MAGI2: variants seen among roughly 807,000 people sequenced by gnomAD.
MAGI2 encodes the protein membrane-associated guanylate kinase, WW and PDZ domain-containing protein 2.
Under a neutral mutation model 133.3 loss-of-function variants are expected in MAGI2, and 35 were observed. That is an observed-to-expected ratio of 0.26 (90% CI 0.20 to 0.35). MAGI2 has a LOEUF of 0.35. MAGI2 is among the 10% of genes least tolerant of loss of function. MAGI2 has a pLI of 1.00. For synonymous variants in MAGI2, 729 were observed against 710.6 expected (o/e 1.03, Z -0.41); for missense variants, 1,636 against 1,863.4 (o/e 0.88, Z 2.25).
intron 9 of MAGI2, among the ~76,000 whole-genome samples, chr7:78,284,128 A>C (rs1795907606): frequency 6.6e-6 from 1 of 152,176 alleles, no homozygotes; most frequent in Non-Finnish European, 1.5e-5. Flanking sequence ...GAGTACACAC[A>C]CAGTATATAA....
At chr7:78,043,867 A>G (rs1811116929) in intron 21 of MAGI2, among the ~76,000 whole-genome samples, 1 of 152,358 alleles carries the variant, frequency 6.6e-6, no homozygotes, top group Non-Finnish European at 1.5e-5. Context: ...TATTTTTGGT[A>G]TAATTACTAG....
At chr7:78,739,959 C>G (rs978554866) in intron 2 of MAGI2, among the ~76,000 whole-genome samples, 1 of 152,068 alleles carries the variant, frequency 6.6e-6, no homozygotes, top group African/African-American at 2.4e-5. Context: ...GAGATCAAGA[C>G]CATCCTGGCT....
At chr7:78,489,939 A>G in intron 5 of MAGI2, 99 bp from the exon 6 acceptor site, 1 of 815,556 alleles carries the variant, frequency 1.2e-6, no homozygotes, top group Non-Finnish European at 2.0e-6. Flanking sequence ...CAAAATTGCA[A>G]TCGATACACT....
In MAGI2 at chr7:78,630,973, C is replaced by T. The variant is rs138294375; in HGVS notation, c.419-3734G>A. Reference sequence around the variant, plus strand: ...GGAGTCACTTTGCCTCTGTCTTGTGCAGTTTCTCCTCTTCCCTAGACCCCA... The same window carrying T: ...GGAGTCACTTTGCCTCTGTCTTGTGTAGTTTCTCCTCTTCCCTAGACCCCA... On this transcript the variant is annotated intron_variant, in intron 2 of 21. Coordinates refer to ENST00000354212, the MANE Select transcript of MAGI2 (RefSeq NM_012301.4). Among the ~76,000 whole-genome samples the T allele has an allele frequency of 3.9e-3, 601 of 152,180 alleles. 4 individuals carry two copies. The highest frequency in any genetic ancestry group is 0.014 in the African/African-American group (569 of 41,532).
intron 2 of MAGI2, among the ~76,000 whole-genome samples, chr7:78,781,195 G>A (rs1374828597): frequency 6.6e-6 from 1 of 151,878 alleles, no homozygotes; most frequent in East Asian, 1.9e-4. Flanking sequence ...TGACTAACAC[G>A]GTGAAACCCC....
chr7:78,226,064 A>T (rs1789343600), intron 10 of MAGI2, among the ~76,000 whole-genome samples: 2 of 152,246 alleles, frequency 1.3e-5, no homozygotes, highest in African/African-American at 4.8e-5. Flanking sequence ...AGAGAAAAAT[A>T]TAAGCCCCTG....
chr7:79,268,715 G>A (rs2129557033), intron 1 of MAGI2, among the ~76,000 whole-genome samples: 1 of 152,068 alleles, frequency 6.6e-6, no homozygotes, highest in African/African-American at 2.4e-5. Context: ...GGCCTTTTTG[G>A]GTCTCTGAAG....
At chr7:78,336,550 T>G (rs906476967) in intron 9 of MAGI2, among the ~76,000 whole-genome samples, 1 of 152,060 alleles carries the variant, frequency 6.6e-6, no homozygotes, top group African/African-American at 2.4e-5. Flanking sequence ...AAGTGATACC[T>G]TGTCTCTATA....
chr7:78,074,688 C>T (rs1815086067), intron 21 of MAGI2, among the ~76,000 whole-genome samples: 1 of 152,150 alleles, frequency 6.6e-6, no homozygotes, highest in Non-Finnish European at 1.5e-5. Flanking sequence ...AAGATATACT[C>T]TAGTTTATCT....
At chr7:78,363,205 C>G (rs1422428892) in intron 7 of MAGI2, among the ~76,000 whole-genome samples, 1 of 152,130 alleles carries the variant, frequency 6.6e-6, no homozygotes, top group African/African-American at 2.4e-5. Context: ...GTTAATAATT[C>G]TGAGGAGGCC....
intron 6 of MAGI2, among the ~76,000 whole-genome samples, chr7:78,460,537 A>G (rs1584240629): frequency 1.3e-5 from 2 of 152,358 alleles, no homozygotes; most frequent in East Asian, 3.9e-4. Flanking sequence ...CCTGCCAGCA[A>G]TAACTTAGGC....
At chr7:79,310,347 C>A (rs1417146581) in intron 1 of MAGI2, among the ~76,000 whole-genome samples, 1 of 151,768 alleles carries the variant, frequency 6.6e-6, no homozygotes, top group African/African-American at 2.4e-5. Flanking sequence ...TTGAAGCAAC[C>A]AAAAGAGGGA....
At chr7:78,211,797 C>T (rs534811753) in intron 10 of MAGI2, among the ~76,000 whole-genome samples, 1 of 152,268 alleles carries the variant, frequency 6.6e-6, no homozygotes, top group South Asian at 2.1e-4. Flanking sequence ...CACTGTTTTC[C>T]ACTTTTTGTT....
intron 1 of MAGI2, among the ~76,000 whole-genome samples, chr7:79,241,658 C>T (rs551499762): frequency 6.6e-6 from 1 of 152,114 alleles, no homozygotes; most frequent in African/African-American, 2.4e-5. Flanking sequence ...TGAAAAATGA[C>T]AAGATTAGGC....
intron 9 of MAGI2, among the ~76,000 whole-genome samples, chr7:78,277,917 A>G (rs1038547785): frequency 1.3e-4 from 20 of 152,274 alleles, no homozygotes; most frequent in African/African-American, 4.6e-4. Flanking sequence ...GGCAGACAGA[A>G]GAGCAAAGAG....
At position 79,207,826 on chromosome 7, in the gene MAGI2, C is replaced by A. The variant is rs191374488; in HGVS notation, c.302-200620G>T. Among the ~76,000 whole-genome samples, 9 of 151,988 alleles carry A rather than the reference C, an allele frequency of 5.9e-5. No individual in the cohort carries two copies. In the East Asian group the frequency reaches 1.7e-3, roughly 29 times the overall value. On this transcript the variant is annotated intron_variant, in intron 1 of 21. Transcript: ENST00000354212. ...AGCAACCAAAACATCATGGTACTGG[C>A]ATAAAAACAAACACGTAGACCAATG...
At chr7:78,862,508 G>C (rs1303705661) in intron 2 of MAGI2, among the ~76,000 whole-genome samples, 1 of 152,098 alleles carries the variant, frequency 6.6e-6, no homozygotes, top group African/African-American at 2.4e-5. Flanking sequence ...TTTCTTAGTT[G>C]ATCCTTACAT....
chr7:78,527,296 C>A lies in MAGI2; in HGVS notation c.539-5651G>T, dbSNP rs1480548743. On this transcript the variant is annotated intron_variant, in intron 3 of 21. Coordinates refer to ENST00000354212, the MANE Select transcript of MAGI2 (RefSeq NM_012301.4). ...GCAGTGAGAATAGCTTTCTAAATAACTTTTCATGTACTGTACTTGAAACCA... is the reference window on the plus strand; with the variant it reads ...GCAGTGAGAATAGCTTTCTAAATAAATTTTCATGTACTGTACTTGAAACCA... 2.6e-5 allele frequency among the ~76,000 whole-genome samples: 4 copies of A among 152,204 alleles called. No individual in the cohort carries two copies. In the South Asian group the frequency reaches 8.3e-4, roughly 32 times the overall value.
intron 1 of MAGI2, among the ~76,000 whole-genome samples, chr7:79,429,316 T>C (rs1203737887): frequency 6.6e-6 from 1 of 152,114 alleles, no homozygotes; most frequent in African/African-American, 2.4e-5. Flanking sequence ...TTTTTTTTGT[T>C]TTTTGAGACA....
Sources: gnomAD v4.1 joint callset for allele counts (sites outside exome capture counted in the v4.1 genomes callset) on GRCh38, gnomAD v4.1.1 for gene constraint, MANE v1.5 for transcripts, NCBI Gene and HGNC (gene_info 2026-07-23, HGNC 2026-07-21) for gene names.